ZNF81: variants seen among roughly 807,000 people sequenced by gnomAD.
The protein encoded by ZNF81 is zinc finger protein 81.
In ZNF81, 5 loss-of-function variants were observed where a neutral mutation model predicts 32.3. The ratio of observed to expected loss-of-function variants is 0.15; its 90% CI spans 0.08 to 0.33. The LOEUF is 0.33. Ranked by LOEUF, ZNF81 falls within the 10% of genes least tolerant of loss-of-function variation. ZNF81 has a pLI of 1.00. For missense variants in ZNF81, 379 were observed against 479.8 expected (o/e 0.79, Z 1.96); for synonymous variants, 163 against 166.8 (o/e 0.98, Z 0.17).
At chrX:47,878,662 G>A (rs2058609383) in intron 2 of ZNF81, among the ~76,000 whole-genome samples, 1 of 112,366 alleles carries the variant, frequency 8.9e-6, no homozygotes, top group Non-Finnish European at 1.9e-5. Flanking sequence ...ATAAAGTGGA[G>A]GACCATTTAT....
intron 4 of ZNF81, among the ~76,000 whole-genome samples, chrX:47,913,132 T>A (rs1556890121): frequency 2.7e-5 from 3 of 112,296 alleles, no homozygotes; most frequent in Non-Finnish European, 5.6e-5. Context: ...TTTATAGACA[T>A]GAATAAATTA....
chrX:47,896,124 T>C (rs2058679238), intron 4 of ZNF81, among the ~76,000 whole-genome samples, 184 bp downstream of exon 4: 1 of 111,980 alleles, frequency 8.9e-6, no homozygotes, highest in African/African-American at 3.2e-5. Context: ...CTTACTGTTA[T>C]CACCTGTCTT....
At chrX:47,868,468 C>T (rs1212519716) in intron 2 of ZNF81, among the ~76,000 whole-genome samples, 1 of 111,413 alleles carries the variant, frequency 9.0e-6, no homozygotes, top group African/African-American at 3.3e-5. Flanking sequence ...TTGCCTTGGA[C>T]TGTGCAAATG....
intron 1 of ZNF81, among the ~76,000 whole-genome samples, chrX:47,837,413 CAT>C (rs782302612): frequency 2.6e-4 from 29 of 112,197 alleles, no homozygotes; most frequent in African/African-American, 9.1e-4. Context: ...TCAATTGTGT[CAT>C]AGAAAATCTA....
intron 4 of ZNF81, among the ~76,000 whole-genome samples, chrX:47,908,084 A>T (rs781884039): frequency 1.6e-4 from 18 of 111,631 alleles, no homozygotes; most frequent in African/African-American, 5.8e-4. Flanking sequence ...CTCTTCTTTG[A>T]AAGACATCAT....
intron 2 of ZNF81, among the ~76,000 whole-genome samples, chrX:47,868,278 T>A (rs2058567256): frequency 8.9e-6 from 1 of 112,079 alleles, no homozygotes; most frequent in African/African-American, 3.2e-5. Flanking sequence ...TTAAACCTGT[T>A]TTCTTCAGTC....
chrX:47,915,595 C>T lies in ZNF81; in HGVS notation c.949C>T (p.Leu317Phe). 19 of 1,211,247 alleles carry T rather than the reference C, an allele frequency of 1.6e-5. No homozygotes were observed. The highest frequency in any genetic ancestry group is 2.1e-5 in the Non-Finnish European group (19 of 895,148). The change falls in exon 5 of 5, where the codon CTC becomes TTC. Residue 317 changes from leucine to phenylalanine, a missense_variant. This residue lies in a region of ZNF81 where 277 missense variants were observed against 306.6 expected (regional missense o/e 0.90). Coordinates refer to ENST00000338637, the MANE Select transcript of ZNF81 (RefSeq NM_007137.5). Reference sequence around the variant, plus strand: ...AAATGTTTTTACACAGAAGCCACTACTCAGTATATATCTGAGAGTTCATAG... The same window carrying T: ...AAATGTTTTTACACAGAAGCCACTATTCAGTATATATCTGAGAGTTCATAG... ...CVNVFTQKPL[L>F]SIYLRVHRDE... is the part of the protein sequence containing the mutation.
intron 2 of ZNF81, among the ~76,000 whole-genome samples, chrX:47,864,744 C>T (rs782612595): frequency 1.8e-4 from 20 of 111,594 alleles, no homozygotes; most frequent in Non-Finnish European, 3.6e-4. Flanking sequence ...CATCAGAGAG[C>T]GGATCCTTAC....
intron 2 of ZNF81, among the ~76,000 whole-genome samples, chrX:47,858,967 G>A (rs2058528264): frequency 9.1e-6 from 1 of 109,786 alleles, no homozygotes; most frequent in South Asian, 3.8e-4. Flanking sequence ...GCACATGCCT[G>A]TAATCCCAGC....
At position 47,925,365 on chromosome X, in the gene ZNF81, A is replaced by G. The variant is rs2058787502; in HGVS notation, c.*8733A>G. ...AATCATGGATCTGTTTTCTATTGTT[A>G]TAGATTAGTTTGCGTTTCCTACAAT... On this transcript the variant is annotated 3_prime_UTR_variant, in exon 5 of 5. Transcript: ENST00000338637. Among the ~76,000 whole-genome samples the G allele has an allele frequency of 9.0e-6, 1 of 111,656 alleles. No individual in the cohort carries two copies. Among genetic ancestry groups the G allele is most frequent in the Non-Finnish European group, 1.9e-5 (1 of 53,078 alleles).
intron 4 of ZNF81, among the ~76,000 whole-genome samples, chrX:47,909,343 C>T (rs1165894547): frequency 1.8e-5 from 2 of 111,562 alleles, no homozygotes; most frequent in Non-Finnish European, 3.8e-5. Context: ...TTAGGTTTCC[C>T]CTTTGTTAAT....
At chrX:47,846,383 C>T (rs782229859) in intron 2 of ZNF81, 62 bp downstream of exon 2, 1 of 1,143,796 alleles carries the variant, frequency 8.7e-7, no homozygotes, top group East Asian at 3.1e-5. Context: ...AGGAAAGATA[C>T]TACCTCATAG....
At chrX:47,874,787 C>G (rs2058593310) in intron 2 of ZNF81, among the ~76,000 whole-genome samples, 1 of 112,079 alleles carries the variant, frequency 8.9e-6, no homozygotes, top group Non-Finnish European at 1.9e-5. Context: ...AACTGCTGTC[C>G]ATCTTGTCAC....
intron 3 of ZNF81, among the ~76,000 whole-genome samples, chrX:47,891,093 G>A (rs1308146520): frequency 3.6e-5 from 4 of 112,276 alleles, no homozygotes; most frequent in African/African-American, 1.3e-4. Flanking sequence ...AATGACATAG[G>A]TCTGGAGAGT....
intron 2 of ZNF81, among the ~76,000 whole-genome samples, chrX:47,870,445 T>C (rs924255869): frequency 1.8e-5 from 2 of 112,751 alleles, no homozygotes; most frequent in Admixed American, 9.4e-5. Context: ...TCCAGAGGAC[T>C]GAAAATGATT....
intron 4 of ZNF81, among the ~76,000 whole-genome samples, chrX:47,899,794 C>T (rs951515754): frequency 4.5e-5 from 5 of 111,543 alleles, no homozygotes; most frequent in Non-Finnish European, 9.4e-5. Context: ...TTTTTTGTTT[C>T]ATCTTTTGCC....
At chrX:47,847,471 T>C (rs1232355277) in intron 2 of ZNF81, among the ~76,000 whole-genome samples, 1 of 112,040 alleles carries the variant, frequency 8.9e-6, no homozygotes, top group African/African-American at 3.2e-5. Flanking sequence ...TAGCCAGTAA[T>C]AGGTGGGGCT....
chrX:47,905,446 TGAAA>T (rs2148039470), intron 4 of ZNF81, among the ~76,000 whole-genome samples: 1 of 103,250 alleles, frequency 9.7e-6, no homozygotes, highest in South Asian at 4.3e-4. Context: ...ACTTGTGAGA[TGAAA>T]CTGAAGCACT....
At position 47,918,625 on chromosome X, in the gene ZNF81, T is replaced by A. The variant is rs781996103; in HGVS notation, c.*1993T>A. ...TCAAAATGAAAAGTGGCCTCTGGATTCCCCTCCCTAACTTCTATGAATAGG... is the reference window on the plus strand; with the variant it reads ...TCAAAATGAAAAGTGGCCTCTGGATACCCCTCCCTAACTTCTATGAATAGG... On this transcript the variant is annotated 3_prime_UTR_variant, in exon 5 of 5. Coordinates refer to ENST00000338637, the MANE Select transcript of ZNF81 (RefSeq NM_007137.5). 2.7e-5 allele frequency: 3 copies of A among 111,491 alleles called. No homozygotes were observed. The highest frequency in any genetic ancestry group is 9.8e-5 in the African/African-American group (3 of 30,608). 9.2% of individuals were successfully genotyped at this position (111,491 alleles called of 1,213,427 possible).
Sources: allele counts gnomAD v4.1 joint callset (sites outside exome capture counted in the v4.1 genomes callset), GRCh38; gene constraint gnomAD v4.1.1; regional missense constraint gnomAD v4.1.1; transcripts MANE v1.5; gene names NCBI Gene and HGNC (gene_info 2026-07-23, HGNC 2026-07-21).